The following RPTOR variants were observed in gnomAD, a reference collection of about 807,000 sequenced individuals.
The protein encoded by RPTOR is regulatory-associated protein of mTOR.
RPTOR carries 21 observed loss-of-function variants against 169.9 expected under a neutral mutation model. The ratio of observed to expected loss-of-function variants is 0.12; its 90% confidence interval spans 0.09 to 0.18. The LOEUF is 0.18. RPTOR is among the 10% of genes least tolerant of loss of function. The pLI is 1.00. For synonymous variants in RPTOR, 732 were observed against 753.2 expected (o/e 0.97, Z 0.46); for missense variants, 1,133 against 1,855.9 (o/e 0.61, Z 7.16).
chr17:80,744,451 T>C (rs151265372), intron 5 of RPTOR, among the ~76,000 whole-genome samples: 654 of 6,696 alleles, frequency 0.098, 6 homozygotes, highest in East Asian at 0.21. Context: ...ACTAGCACTG[T>C]CCTGGTTACT....
Position 80,658,741 on chromosome 17 carries a change from G to A in RPTOR, c.348+14931G>A, listed in dbSNP as rs143146139. ...GTTCCGAGTTTTTTTCTTGCTGTAGGTCACTGATCCTCTCCTTTGCTGTGG... is the reference window on the plus strand; with the variant it reads ...GTTCCGAGTTTTTTTCTTGCTGTAGATCACTGATCCTCTCCTTTGCTGTGG... On this transcript the variant is annotated intron_variant, in intron 3 of 33. Coordinates refer to ENST00000306801, the MANE Select transcript of RPTOR (RefSeq NM_020761.3). 2.4e-3 allele frequency among the ~76,000 whole-genome samples: 370 copies of A among 152,274 alleles called. 3 individuals carry two copies. Among genetic ancestry groups the A allele is most frequent in the African/African-American group, 8.5e-3 (355 of 41,542 alleles).
intron 4 of RPTOR, among the ~76,000 whole-genome samples, chr17:80,724,814 A>C (rs1399955529): frequency 6.6e-6 from 1 of 152,146 alleles, no homozygotes; most frequent in East Asian, 1.9e-4. Context: ...GTGGGAGAAG[A>C]AGCCGCCCCC....
rs1466763575 is a variant in RPTOR, at chr17:80,725,786, T to C, written c.508-4774T>C. Reference sequence around the variant, plus strand: ...CGCTATCAAAGGTCATTTTCCACACTGTGGCTTAATAGAGTTGGTTTTATA... The same window carrying C: ...CGCTATCAAAGGTCATTTTCCACACCGTGGCTTAATAGAGTTGGTTTTATA... On this transcript the variant is annotated intron_variant, in intron 4 of 33. Transcript: ENST00000306801. 3.9e-5 allele frequency among the ~76,000 whole-genome samples: 6 copies of C among 152,354 alleles called. No individual in the cohort carries two copies. The South Asian group carries it at 1.2e-3, about 32-fold the overall frequency.
At chr17:80,683,875 C>T (rs928905223) in intron 3 of RPTOR, among the ~76,000 whole-genome samples, 8 of 152,286 alleles carry the variant, frequency 5.3e-5, no homozygotes, top group African/African-American at 1.9e-4. Context: ...GCATCAGCCA[C>T]GTTTCCAAGG....
intron 21 of RPTOR, among the ~76,000 whole-genome samples, chr17:80,913,487 C>CT (rs1567983591): frequency 1.3e-5 from 2 of 152,136 alleles, no homozygotes; most frequent in Admixed American, 1.3e-4. Context: ...GGGTCTCACT[C>CT]TATCACCCAG....
Position 80,957,861 on chromosome 17 carries a change from G to A in RPTOR, c.3477+131G>A. 1 of 783,988 alleles carries A rather than the reference G, an allele frequency of 1.3e-6. No individual in the cohort carries two copies. Among genetic ancestry groups the A allele is most frequent in the African/African-American group, 1.7e-5 (1 of 59,002 alleles). The allele number at this position is 783,988 out of a possible 1,614,324, so 48.6% of individuals were successfully genotyped here. A position where few individuals can be genotyped will look rare whatever the true frequency, so the allele number is the denominator to read the frequency against. ...CAGGGGTGGAGTCAGGGCCTGGGAG[G>A]ACAGTGCCGGGACAATGCTGGGAGG... is the stretch of plus-strand genomic sequence containing the variant. On this transcript the variant is annotated intron_variant, in intron 29 of 33. Coordinates refer to ENST00000306801, the MANE Select transcript of RPTOR (RefSeq NM_020761.3). The surrounding 1 kb of genome is among the most constrained non-coding windows in gnomAD (Gnocchi z 4.6).
At position 80,820,194 on chromosome 17, in the gene RPTOR, G is replaced by A. The variant is rs1397233052; in HGVS notation, c.891-2007G>A. Among the ~76,000 whole-genome samples the A allele has an allele frequency of 6.6e-6, 1 of 152,198 alleles. No homozygotes were observed. Among genetic ancestry groups the A allele is most frequent in the Non-Finnish European group, 1.5e-5 (1 of 68,032 alleles). On this transcript the variant is annotated intron_variant, in intron 7 of 33. Transcript: ENST00000306801. The surrounding 1 kb of genome is among the most constrained non-coding windows in gnomAD (Gnocchi z 4.1). Reference sequence around the variant, plus strand: ...CTGGGCGCTGTCTGTCCTCTGCATGGCTTTGGTAAGGAGGGCAGGCAGCGC... The same window carrying A: ...CTGGGCGCTGTCTGTCCTCTGCATGACTTTGGTAAGGAGGGCAGGCAGCGC...
chr17:80,707,966 C>T lies in RPTOR; in HGVS notation c.474C>T (p.Pro158=), dbSNP rs2066154221. 1 of 1,613,616 alleles carries T rather than the reference C, an allele frequency of 6.2e-7. No individual in the cohort carries two copies. The highest frequency in any genetic ancestry group is 8.5e-7 in the Non-Finnish European group (1 of 1,179,970). ...ACAATGGCCACGGGGTGCCCCGGCCCACAGTCAACGGGGAGGTCTGGGTCT... is the reference window on the plus strand; with the variant it reads ...ACAATGGCCACGGGGTGCCCCGGCCTACAGTCAACGGGGAGGTCTGGGTCT... ...FHYNGHGVPR[P]TVNGEVWVFN... is the part of the protein sequence containing the mutation. Residue 158 remains proline (P), a synonymous_variant, in exon 4 of 34, where the codon CCC becomes CCT. Transcript: ENST00000306801. This position sits in a 1 kb window ranked among gnomAD's most constrained non-coding sequence, Gnocchi z 5.0.
At chr17:80,917,730 A>T (rs1302211461) in intron 21 of RPTOR, among the ~76,000 whole-genome samples, 1 of 152,058 alleles carries the variant, frequency 6.6e-6, no homozygotes, top group Non-Finnish European at 1.5e-5. Flanking sequence ...ACTGAGACAG[A>T]CAGTTCTCTG....
chr17:80,954,159 G>A lies in RPTOR; in HGVS notation c.3371-3465G>A, dbSNP rs546984383. On this transcript the variant is annotated intron_variant, in intron 28 of 33. Transcript: ENST00000306801. The stretch of plus-strand genomic sequence containing the variant: ...TCTTTTGAGACGGAGTTTCACTCTT[G>A]TTGCCCAGGCTGGCGTACAATGGCG... 7.2e-4 allele frequency among the ~76,000 whole-genome samples: 109 copies of A among 152,220 alleles called. 2 individuals carry two copies. Among genetic ancestry groups the A allele is most frequent in the African/African-American group, 2.2e-3 (92 of 41,524 alleles).
At chr17:80,767,366 G>A (rs796893723) in intron 6 of RPTOR, among the ~76,000 whole-genome samples, 4 of 152,272 alleles carry the variant, frequency 2.6e-5, no homozygotes, top group African/African-American at 9.6e-5. Context: ...GTGAGACCCT[G>A]TCTCCAAAAA....
intron 1 of RPTOR, among the ~76,000 whole-genome samples, chr17:80,607,231 G>A (rs542968871): frequency 2.4e-4 from 37 of 152,220 alleles, no homozygotes; most frequent in Non-Finnish European, 4.9e-4. Context: ...GAGCCACCGC[G>A]CCCAGCTTTC....
chr17:80,936,720 C>T lies in RPTOR; in HGVS notation c.2920-3776C>T, dbSNP rs1022144786. The stretch of plus-strand genomic sequence containing the variant: ...CCTACAGAGGGCGAAATTCACTGTA[C>T]GTAAGTTACATCTTCATCAACCTCA... On this transcript the variant is annotated intron_variant, in intron 24 of 33. Transcript: ENST00000306801. The surrounding 1 kb of genome is among the most constrained non-coding windows in gnomAD (Gnocchi z 4.1). Among the ~76,000 whole-genome samples the T allele has an allele frequency of 1.4e-4, 22 of 152,330 alleles. No individual in the cohort carries two copies. Among genetic ancestry groups the T allele is most frequent in the Admixed American group, 3.9e-4 (6 of 15,306 alleles).
intron 24 of RPTOR, among the ~76,000 whole-genome samples, chr17:80,926,310 T>C (rs956878802): frequency 6.6e-6 from 1 of 152,218 alleles, no homozygotes; most frequent in Admixed American, 6.5e-5. Context: ...CCATGAAGCT[T>C]GAACTACGGA....
intron 20 of RPTOR, among the ~76,000 whole-genome samples, chr17:80,908,297 C>T (rs74001108): frequency 0.032 from 4,947 of 152,218 alleles, 240 homozygotes; most frequent in African/African-American, 0.11. Flanking sequence ...ATCAACCTTT[C>T]GTGAAGTCCT....
intron 22 of RPTOR, among the ~76,000 whole-genome samples, chr17:80,923,084 A>C (rs1438261241): frequency 6.6e-6 from 1 of 152,158 alleles, no homozygotes; most frequent in South Asian, 2.1e-4. Flanking sequence ...AGTTGAATGA[A>C]GCCTGGTCTC....
chr17:80,909,653 GC>G (rs2068588321), intron 21 of RPTOR: 1 of 152,180 alleles, frequency 6.6e-6, no homozygotes, highest in African/African-American at 2.4e-5. Flanking sequence ...ACAGGCATGA[GC>G]CACCACACCC....
intron 12 of RPTOR, among the ~76,000 whole-genome samples, chr17:80,857,281 A>G (rs1213938182): frequency 6.6e-6 from 1 of 152,218 alleles, no homozygotes; most frequent in African/African-American, 2.4e-5. Context: ...CAGGGCAGGC[A>G]TCTTTCTCCC....
At chr17:80,630,697 G>A (rs140931738) in intron 2 of RPTOR, among the ~76,000 whole-genome samples, 29 of 152,312 alleles carry the variant, frequency 1.9e-4, no homozygotes, top group African/African-American at 6.3e-4. Flanking sequence ...TGAGTGCTAC[G>A]GCCTGGCCCA....
Sources: allele counts gnomAD v4.1 joint callset (sites outside exome capture counted in the v4.1 genomes callset), GRCh38; gene constraint gnomAD v4.1.1; non-coding constraint Gnocchi (gnomAD v3.1); transcripts MANE v1.5; gene names NCBI Gene and HGNC (gene_info 2026-07-23, HGNC 2026-07-21).